CFAP221: variants seen among roughly 807,000 people sequenced by gnomAD.
The protein encoded by CFAP221 is cilia- and flagella-associated protein 221.
A neutral mutation model predicts 113.1 loss-of-function variants in CFAP221; 97 were observed. The observed-to-expected ratio is 0.86, with a 90% CI of 0.73 to 1.02. The LOEUF is 1.02. Among genes scored for constraint, CFAP221 ranks in the 50% least tolerant of loss-of-function variants. The pLI, the probability that CFAP221 is intolerant of heterozygous loss-of-function variation, is 0.00. For synonymous variants in CFAP221, 331 were observed against 354.4 expected, an observed-to-expected ratio of 0.93 and a Z score of 0.74; for missense variants, 1,025 against 1,013.4, an observed-to-expected ratio of 1.01 and a Z score of -0.16.
intron 11 of CFAP221, among the ~76,000 whole-genome samples, chr2:119,606,708 T>C (rs571911808): frequency 6.6e-5 from 10 of 152,348 alleles, no homozygotes; most frequent in Admixed American, 5.9e-4. Context: ...TCAGTGCTGG[T>C]GTTTTTGTTC....
At chr2:119,584,306 G>A (rs1010970366) in intron 6 of CFAP221, among the ~76,000 whole-genome samples, 3 of 152,112 alleles carry the variant, frequency 2.0e-5, no homozygotes, top group Non-Finnish European at 2.9e-5. Context: ...TACAAATGAG[G>A]CCAGTCATGA....
At chr2:119,632,067 A>C (rs1686808281) in intron 19 of CFAP221, among the ~76,000 whole-genome samples, 1 of 152,142 alleles carries the variant, frequency 6.6e-6, no homozygotes, top group Non-Finnish European at 1.5e-5. Flanking sequence ...TTCACTAGGG[A>C]ATTCTGCCAA....
chr2:119,582,600 C>G (rs750226294), intron 6 of CFAP221, among the ~76,000 whole-genome samples: 3 of 151,940 alleles, frequency 2.0e-5, no homozygotes, highest in African/African-American at 2.4e-5. Context: ...GGACTACAGG[C>G]ACACGCAACT....
At chr2:119,571,210 G>A (rs983327347) in intron 6 of CFAP221, among the ~76,000 whole-genome samples, 9 of 138,182 alleles carry the variant, frequency 6.5e-5, no homozygotes, top group African/African-American at 1.7e-4. Flanking sequence ...GTGCAATCTC[G>A]GCTCACTCAA....
intron 20 of CFAP221, 133 bp from the exon 21 acceptor site, chr2:119,639,640 TCAGAAAAA>T: frequency 1.5e-6 from 1 of 663,246 alleles, no homozygotes; most frequent in Non-Finnish European, 2.6e-6. Context: ...CCTTTTTGCT[TCAGAAAAA>T]TTCAAACTGA....
chr2:119,646,912 T>C (rs749693453), intron 21 of CFAP221, 46 bp from the exon 22 acceptor site: 3 of 1,523,126 alleles, frequency 2.0e-6, no homozygotes, highest in Non-Finnish European at 2.7e-6. Context: ...ACCCCAAGAC[T>C]TCTAGTGTGA....
intron 3 of CFAP221, among the ~76,000 whole-genome samples, chr2:119,549,802 C>T (rs1680296992): frequency 6.6e-6 from 1 of 152,216 alleles, no homozygotes; most frequent in Non-Finnish European, 1.5e-5. Context: ...CACTGAAGAA[C>T]AGGCTCCTGA....
At chr2:119,599,927 G>T (rs769895603) in intron 7 of CFAP221, among the ~76,000 whole-genome samples, 5 of 152,126 alleles carry the variant, frequency 3.3e-5, no homozygotes, top group Admixed American at 6.5e-5. Flanking sequence ...ATGGGTGAAG[G>T]AAAGGCCCAT....
At chr2:119,639,541 G>A (rs1687350465) in intron 20 of CFAP221, among the ~76,000 whole-genome samples, 1 of 152,220 alleles carries the variant, frequency 6.6e-6, no homozygotes, top group Non-Finnish European at 1.5e-5. Flanking sequence ...TGTTGCTTGT[G>A]CAAGTGCCTA....
At chr2:119,647,893 G>T (rs1369360380) in intron 22 of CFAP221, among the ~76,000 whole-genome samples, 1 of 152,142 alleles carries the variant, frequency 6.6e-6, no homozygotes, top group Non-Finnish European at 1.5e-5. Context: ...TCCATTAGAA[G>T]ATTATAGAGC....
intron 3 of CFAP221, among the ~76,000 whole-genome samples, chr2:119,554,202 C>T (rs1680622405): frequency 6.6e-6 from 1 of 152,032 alleles, no homozygotes; most frequent in Non-Finnish European, 1.5e-5. Context: ...TGCAAATTGC[C>T]CAAGAATGGA....
downstream of CFAP221, among the ~76,000 whole-genome samples, chr2:119,657,240 A>T (rs1328860536): frequency 6.6e-6 from 1 of 152,194 alleles, no homozygotes; most frequent in Non-Finnish European, 1.5e-5. Flanking sequence ...ATACATTTAA[A>T]TAGCTGGTAT....
intron 5 of CFAP221, among the ~76,000 whole-genome samples, chr2:119,560,410 CA>C (rs1267605253): frequency 5.9e-5 from 9 of 152,198 alleles, no homozygotes; most frequent in African/African-American, 2.2e-4. Flanking sequence ...TGATTATAAA[CA>C]CCAGCCACTG....
intron 6 of CFAP221, among the ~76,000 whole-genome samples, chr2:119,584,497 G>T (rs1225389727): frequency 1.3e-5 from 2 of 152,004 alleles, no homozygotes; most frequent in Non-Finnish European, 2.9e-5. Flanking sequence ...TGAGGTGGGA[G>T]GATCACTTCA....
At position 119,627,759 on chromosome 2, in the gene CFAP221, C is replaced by T. The variant is rs1311461489; in HGVS notation, c.1623C>T (p.Cys541=). Residue 541 remains cysteine (C), a synonymous_variant, in exon 16 of 24, where the codon TGC becomes TGT. Transcript: ENST00000413369. ...KEVLPFAFPD[C]SPPQDSNELA... ...TGCTGCCCTTCGCTTTCCCAGACTG[C>T]AGCCCACCCCAGGACTCCAACGAGT... is the stretch of plus-strand genomic sequence containing the variant. 1 of 1,613,796 alleles carries T rather than the reference C, an allele frequency of 6.2e-7. No homozygotes were observed. The highest frequency in any genetic ancestry group is 8.5e-7 in the Non-Finnish European group (1 of 1,179,890).
At chr2:119,606,558 A>G (rs1684780292) in intron 11 of CFAP221, among the ~76,000 whole-genome samples, 1 of 152,072 alleles carries the variant, frequency 6.6e-6, no homozygotes, top group Non-Finnish European at 1.5e-5. Flanking sequence ...TGAAAATTTT[A>G]TGTTTATAAA....
At chr2:119,611,217 T>C (rs564869012) in intron 12 of CFAP221, among the ~76,000 whole-genome samples, 9 of 152,140 alleles carry the variant, frequency 5.9e-5, no homozygotes, top group Non-Finnish European at 1.0e-4. Flanking sequence ...TATAGTCCCA[T>C]AGTTACAGTT....
At chr2:119,631,588 T>C (rs1460992086) in intron 19 of CFAP221, among the ~76,000 whole-genome samples, 1 of 152,166 alleles carries the variant, frequency 6.6e-6, no homozygotes, top group Non-Finnish European at 1.5e-5. Context: ...GGCAGGAGAA[T>C]TGCTTGAACC....
intron 21 of CFAP221, among the ~76,000 whole-genome samples, chr2:119,643,012 A>G (rs1379168599): frequency 6.6e-6 from 1 of 151,984 alleles, no homozygotes; most frequent in Non-Finnish European, 1.5e-5. Flanking sequence ...GCTGATCTCA[A>G]ACTCCTGGCC....
Sources: allele counts gnomAD v4.1 joint callset (sites outside exome capture counted in the v4.1 genomes callset), GRCh38; gene constraint gnomAD v4.1.1; transcripts MANE v1.5; gene names NCBI Gene and HGNC (gene_info 2026-07-23, HGNC 2026-07-21).